IQCM: variants seen among roughly 807,000 people sequenced by gnomAD.
IQCM encodes the protein IQ motif containing M.
IQCM carries 45 observed loss-of-function variants against 57.6 expected under a neutral mutation model. The observed-to-expected ratio is 0.78, with a 90% CI of 0.62 to 1.00. The LOEUF is 1.00. Ranked by LOEUF, IQCM falls within the 50% of genes least tolerant of loss-of-function variation. The pLI is 0.00. For synonymous variants in IQCM, 148 were observed against 158.9 expected (o/e 0.93, Z 0.51); for missense variants, 468 against 511.6 (o/e 0.91, Z 0.82).
At chr4:149,385,505 G>A (rs1457718773) in intron 13 of IQCM, among the ~76,000 whole-genome samples, 3 of 151,928 alleles carry the variant, frequency 2.0e-5, no homozygotes, top group African/African-American at 7.2e-5. Flanking sequence ...TGTATTGGTG[G>A]ATCAATCACA....
At chr4:149,773,630 T>C (rs1425735736) in intron 2 of IQCM, among the ~76,000 whole-genome samples, 4 of 152,206 alleles carry the variant, frequency 2.6e-5, no homozygotes, top group Non-Finnish European at 5.9e-5. Flanking sequence ...AAGCTGATGT[T>C]CCATCATTTA....
intron 13 of IQCM, among the ~76,000 whole-genome samples, chr4:149,360,616 T>C (rs186451537): frequency 2.0e-5 from 3 of 152,154 alleles, no homozygotes; most frequent in Non-Finnish European, 4.4e-5. Flanking sequence ...TCTCATGATA[T>C]TGAATAAGTA....
chr4:149,669,415 G>C (rs555417100), intron 7 of IQCM, among the ~76,000 whole-genome samples: 1 of 151,956 alleles, frequency 6.6e-6, no homozygotes, highest in Non-Finnish European at 1.5e-5. Context: ...ATTTTCTCCC[G>C]TTCTGTAGGT....
intron 7 of IQCM, among the ~76,000 whole-genome samples, chr4:149,650,502 C>A (rs1759073626): frequency 1.3e-5 from 2 of 151,258 alleles, no homozygotes; most frequent in Non-Finnish European, 2.9e-5. Context: ...AAGCGATTCT[C>A]CTGCCTCAGC....
chr4:149,490,133 G>T (rs112562053), intron 12 of IQCM, among the ~76,000 whole-genome samples: 20 of 151,866 alleles, frequency 1.3e-4, no homozygotes, highest in African/African-American at 4.8e-4. Flanking sequence ...CATAATCAAT[G>T]AAAAAAGTCA....
At chr4:149,553,413 G>A (rs2149908440) in intron 10 of IQCM, 126 bp from the exon 11 acceptor site, 2 of 732,156 alleles carry the variant, frequency 2.7e-6, no homozygotes, top group Admixed American at 4.3e-5. Context: ...TATTGCCTAG[G>A]TTGGCTAAAT....
intron 12 of IQCM, among the ~76,000 whole-genome samples, chr4:149,481,976 A>G (rs188960617): frequency 1.3e-5 from 2 of 150,904 alleles, no homozygotes; most frequent in Non-Finnish European, 3.0e-5. Flanking sequence ...TATAGTTTTC[A>G]TTATAGAGAT....
chr4:149,705,852 A>G (rs1294488770), intron 5 of IQCM, among the ~76,000 whole-genome samples: 1 of 151,984 alleles, frequency 6.6e-6, no homozygotes, highest in African/African-American at 2.4e-5. Flanking sequence ...TCAATGCCAA[A>G]GATTGTAGCA....
At chr4:149,774,029 A>G (rs1770833177) in intron 2 of IQCM, among the ~76,000 whole-genome samples, 1 of 152,188 alleles carries the variant, frequency 6.6e-6, no homozygotes, top group African/African-American at 2.4e-5. Context: ...GTGTATGTAC[A>G]TGGCTGATTC....
chr4:149,744,741 G>A (rs1767767116), intron 2 of IQCM, among the ~76,000 whole-genome samples: 1 of 151,992 alleles, frequency 6.6e-6, no homozygotes, highest in African/African-American at 2.4e-5. Context: ...AGACAGTTAC[G>A]AGATGCTGAG....
chr4:149,652,666 G>GT (rs1228553688), intron 7 of IQCM, among the ~76,000 whole-genome samples: 1 of 151,890 alleles, frequency 6.6e-6, no homozygotes, highest in Non-Finnish European at 1.5e-5. Flanking sequence ...AATGAAGAGA[G>GT]AAGATGGAAC....
chr4:149,772,172 A>G (rs1191628559), intron 2 of IQCM, among the ~76,000 whole-genome samples: 1 of 152,170 alleles, frequency 6.6e-6, no homozygotes, highest in East Asian at 1.9e-4. Flanking sequence ...GTATAAAAAT[A>G]TGTCCATTAT....
intron 8 of IQCM, among the ~76,000 whole-genome samples, chr4:149,609,716 G>A (rs889375304): frequency 2.0e-5 from 3 of 151,680 alleles, no homozygotes; most frequent in East Asian, 1.9e-4. Context: ...CAACAAACTC[G>A]GTATAGGGGG....
intron 12 of IQCM, among the ~76,000 whole-genome samples, chr4:149,461,820 C>CTA (rs1022142129): frequency 4.0e-5 from 6 of 150,996 alleles, no homozygotes; most frequent in African/African-American, 1.2e-4. Context: ...TAAAGGAATA[C>CTA]TATATATATA....
At chr4:149,450,939 A>G (rs1350894467) in intron 12 of IQCM, among the ~76,000 whole-genome samples, 1 of 151,872 alleles carries the variant, frequency 6.6e-6, no homozygotes, top group African/African-American at 2.4e-5. Flanking sequence ...CACTGTTCAC[A>G]ATAGCCAAAA....
At chr4:149,591,259 A>AT (rs1165340213) in intron 8 of IQCM, among the ~76,000 whole-genome samples, 3 of 152,024 alleles carry the variant, frequency 2.0e-5, no homozygotes, top group South Asian at 2.1e-4. Context: ...TCATTGGATG[A>AT]TTTTTTCTTT....
At chr4:149,605,588 A>G (rs1301704114) in intron 8 of IQCM, among the ~76,000 whole-genome samples, 1 of 152,236 alleles carries the variant, frequency 6.6e-6, no homozygotes, top group Non-Finnish European at 1.5e-5. Context: ...CTAAAAAGAA[A>G]CATTAAGTAA....
intron 3 of IQCM, among the ~76,000 whole-genome samples, chr4:149,742,294 T>C (rs1053297058): frequency 1.3e-5 from 2 of 152,160 alleles, no homozygotes; most frequent in Non-Finnish European, 2.9e-5. Flanking sequence ...AAAAAATAGA[T>C]TTATATGCCC....
chr4:149,373,907 A>C (rs1440738285), intron 13 of IQCM, among the ~76,000 whole-genome samples: 2 of 152,166 alleles, frequency 1.3e-5, no homozygotes, highest in African/African-American at 4.8e-5. Context: ...GAAGACAGAA[A>C]TAAGGTGGAA....
Sources: allele counts gnomAD v4.1 joint callset (sites outside exome capture counted in the v4.1 genomes callset), GRCh38; gene constraint gnomAD v4.1.1; transcripts MANE v1.5; gene names NCBI Gene and HGNC (gene_info 2026-07-23, HGNC 2026-07-21).